Variants in PRRG2 observed in about 807,000 individuals in gnomAD.
PRRG2 encodes proline rich and Gla domain 2.
In PRRG2, 23 loss-of-function variants were observed where a neutral mutation model predicts 27.1. The observed-to-expected ratio is 0.85, with a 90% CI of 0.61 to 1.20. The LOEUF (loss-of-function observed/expected upper bound fraction) is 1.20, where lower values mean the gene tolerates loss of function less well. Ranked by LOEUF, PRRG2 falls within the 50% of genes most tolerant of loss-of-function variation. PRRG2 has a pLI of 0.00. For missense variants in PRRG2, 276 were observed against 254.8 expected (o/e 1.08, Z -0.57); for synonymous variants, 104 against 103.4 (o/e 1.01, Z -0.03).
chr19:49,590,484 TGGAGTG>T lies in PRRG2; in HGVS notation c.*98_*103del. 1 of 1,555,086 alleles carries T rather than the reference TGGAGTG, an allele frequency of 6.4e-7. No homozygotes were observed. Among genetic ancestry groups the T allele is most frequent in the South Asian group, 1.1e-5 (1 of 89,252 alleles). ...GCCTCATAGACGCCGAAGCTGGACT[TGGAGTG>T]GGGAATGGTGGGAGTAGGGGTCATC... On this transcript the variant is annotated 3_prime_UTR_variant, in exon 7 of 7. Coordinates refer to ENST00000246794, the MANE Select transcript of PRRG2 (RefSeq NM_000951.3).
intron 6 of PRRG2, 41 bp from the exon 7 acceptor site, chr19:49,590,330 A>G: frequency 1.9e-6 from 3 of 1,614,066 alleles, no homozygotes; most frequent in Middle Eastern, 1.6e-4. Flanking sequence ...GGAGAAAAAC[A>G]GCCAGATCTT....
intron 1 of PRRG2, 50 bp downstream of exon 1, chr19:49,581,531 C>G (rs969164000): frequency 4.6e-5 from 7 of 152,330 alleles, no homozygotes; most frequent in African/African-American, 1.7e-4. Context: ...CCCAGGCATC[C>G]TGGCTCCCCG....
chr19:49,588,248 C>T (rs988378059), intron 4 of PRRG2, among the ~76,000 whole-genome samples: 11 of 152,206 alleles, frequency 7.2e-5, no homozygotes, highest in African/African-American at 2.4e-5. Flanking sequence ...CAGGCATGAG[C>T]CACTACATCC....
chr19:49,586,714 G>A (rs2080673097), intron 4 of PRRG2, among the ~76,000 whole-genome samples: 1 of 152,214 alleles, frequency 6.6e-6, no homozygotes. Context: ...AGCTGGATGT[G>A]GTGGTGCACA....
Position 49,584,227 on chromosome 19 carries a change from A to G in PRRG2, c.301+275A>G, listed in dbSNP as rs543948711. 3.2e-4 allele frequency among the ~76,000 whole-genome samples: 48 copies of G among 149,978 alleles called. No individual in the cohort carries two copies. In the East Asian group the frequency reaches 7.7e-3, roughly 24 times the overall value. ...GCTCTGTTGCCCAGGCCGGAGTGCA[A>G]TGGTGCGATCTCGGCTCACTGCAAG... On this transcript the variant is annotated intron_variant, in intron 4 of 6. Transcript: ENST00000246794.
At position 49,590,532 on chromosome 19, in the gene PRRG2, C is replaced by G. The variant is rs754395730; in HGVS notation, c.*143C>G. On this transcript the variant is annotated 3_prime_UTR_variant, in exon 7 of 7. Coordinates refer to ENST00000246794, the MANE Select transcript of PRRG2 (RefSeq NM_000951.3). ...GGGGTCATCCGGCCCGAGGCCTGCC[C>G]TGGCACACGCGTTTCCGCCGCGTAT... 7.7e-6 allele frequency: 9 copies of G among 1,174,800 alleles called. No homozygotes were observed. The highest frequency in any genetic ancestry group is 4.7e-5 in the East Asian group (2 of 42,660). 72.8% of individuals were successfully genotyped at this position (1,174,800 alleles called of 1,614,324 possible).
At chr19:49,588,692 G>T in intron 5 of PRRG2, 60 bp downstream of exon 5, 3 of 1,478,100 alleles carry the variant, frequency 2.0e-6, no homozygotes, top group South Asian at 1.3e-5. Flanking sequence ...AGGAAGCATT[G>T]ACCTAAAGGG....
chr19:49,589,951 GCCCCT>G lies in PRRG2; in HGVS notation c.490_494del (p.Pro164AlafsTer14). On this transcript the variant is annotated frameshift_variant, in exon 6 of 7. Transcript: ENST00000246794. LOFTEE classifies it high-confidence loss of function. Reference sequence around the variant, plus strand: ...CTTTGAACCCTCTGGGCCCACCGACGCCCCTGCCTCCACCCCCACCCCCACCCCCA... The same window carrying G: ...CTTTGAACCCTCTGGGCCCACCGACGGCCTCCACCCCCACCCCCACCCCCA... The G allele has an allele frequency of 6.2e-7, 1 of 1,606,770 alleles. No homozygotes were observed. Among genetic ancestry groups the G allele is most frequent in the Non-Finnish European group, 8.5e-7 (1 of 1,179,258 alleles).
At chr19:49,584,676 C>T (rs1206382407) in intron 4 of PRRG2, among the ~76,000 whole-genome samples, 1 of 152,192 alleles carries the variant, frequency 6.6e-6, no homozygotes, top group Non-Finnish European at 1.5e-5. Flanking sequence ...GTGGCCCAGG[C>T]TGGTCTTGAA....
intron 1 of PRRG2, among the ~76,000 whole-genome samples, chr19:49,582,432 G>A (rs949042408): frequency 1.8e-4 from 27 of 151,464 alleles, no homozygotes; most frequent in Admixed American, 1.6e-3. Context: ...CCACAACCAC[G>A]CCTGGCTAAT....
At chr19:49,582,006 G>C (rs999336542) in intron 1 of PRRG2, among the ~76,000 whole-genome samples, 1 of 151,830 alleles carries the variant, frequency 6.6e-6, no homozygotes, top group South Asian at 2.1e-4. Flanking sequence ...TTGGGAGGCC[G>C]AGGCGGGTGG....
rs563344126 is a variant in PRRG2 at position 49,586,375 on chromosome 19, C to T, written c.302-2122C>T. 4.0e-4 allele frequency among the ~76,000 whole-genome samples: 54 copies of T among 134,564 alleles called. 1 individual carries two copies. In the South Asian group the frequency reaches 5.1e-3, roughly 13 times the overall value. 88.3% of individuals were successfully genotyped at this position (134,564 alleles called of 152,430 possible). ...GTGCTGGAATTACAAGTGTGAGCCA[C>T]CAAGCCCGGCCATTTTTTTTTTTTT... On this transcript the variant is annotated intron_variant, in intron 4 of 6. Transcript: ENST00000246794.
At chr19:49,588,236 T>C (rs533968515) in intron 4 of PRRG2, among the ~76,000 whole-genome samples, 3 of 152,354 alleles carry the variant, frequency 2.0e-5, no homozygotes, top group South Asian at 4.1e-4. Context: ...GTGCTGGGAT[T>C]ACAGGCATGA....
At chr19:49,584,218 C>T (rs555965438) in intron 4 of PRRG2, among the ~76,000 whole-genome samples, 295 of 151,020 alleles carry the variant, frequency 2.0e-3, no homozygotes, top group Non-Finnish European at 3.2e-3. Context: ...TTGCCCAGGC[C>T]GGAGTGCAAT....
Position 49,583,679 on chromosome 19 carries a change from G to A in PRRG2, c.223G>A (p.Glu75Lys), listed in dbSNP as rs1568416112. ...RECLEERCSW[E>K]EAREYFEDNT... Reference sequence around the variant, plus strand: ...GTGTCTGGAAGAGAGGTGTTCCTGGGAAGAGGCCAGGGAGTATTTTGAGGA... The same window carrying A: ...GTGTCTGGAAGAGAGGTGTTCCTGGAAAGAGGCCAGGGAGTATTTTGAGGA... Residue 75 changes from glutamate (E) to lysine (K), a missense_variant, in exon 3 of 7, where the codon GAA becomes AAA. Coordinates refer to ENST00000246794, the MANE Select transcript of PRRG2 (RefSeq NM_000951.3). The A allele has an allele frequency of 6.2e-7, 1 of 1,614,146 alleles. No homozygotes were observed.
chr19:49,584,173 C>CTTT (rs753145623), intron 4 of PRRG2, among the ~76,000 whole-genome samples: 1 of 139,312 alleles, frequency 7.2e-6, no homozygotes, highest in African/African-American at 2.6e-5. Flanking sequence ...TTTATTTTTG[C>CTTT]TTTTTTTTTT....
At chr19:49,588,952 G>C (rs2080693097) in intron 5 of PRRG2, among the ~76,000 whole-genome samples, 1 of 152,046 alleles carries the variant, frequency 6.6e-6, no homozygotes, top group African/African-American at 2.4e-5. Flanking sequence ...CGACGGTGCA[G>C]CCTGTGGTGT....
intron 4 of PRRG2, among the ~76,000 whole-genome samples, chr19:49,584,271 C>T (rs967156886): frequency 2.0e-5 from 3 of 151,070 alleles, no homozygotes; most frequent in Non-Finnish European, 4.4e-5. Flanking sequence ...CCCGGGTTCA[C>T]GCCATTCTCC....
intron 4 of PRRG2, among the ~76,000 whole-genome samples, chr19:49,586,241 C>T (rs910856421): frequency 6.6e-6 from 1 of 151,818 alleles, no homozygotes; most frequent in African/African-American, 2.4e-5. Flanking sequence ...ACCACCACGC[C>T]CAGATACTTA....
Sources: gnomAD v4.1 joint callset for allele counts (sites outside exome capture counted in the v4.1 genomes callset) on GRCh38, gnomAD v4.1.1 for gene constraint, MANE v1.5 for transcripts, NCBI Gene and HGNC (gene_info 2026-07-23, HGNC 2026-07-21) for gene names.